MPPED2: variants seen among roughly 807,000 people sequenced by gnomAD.
MPPED2 encodes metallophosphoesterase MPPED2.
A neutral mutation model predicts 33.0 loss-of-function variants in MPPED2; 5 were observed. That is an observed-to-expected ratio of 0.15 (90% CI 0.08 to 0.32). The LOEUF is 0.32. Among genes scored for constraint, MPPED2 ranks in the 10% least tolerant of loss-of-function variants. The probability of loss-of-function intolerance (pLI) is 1.00; values close to 1 mark genes in which losing one functional copy is unlikely to be tolerated. For missense variants in MPPED2, 275 were observed against 372.1 expected (o/e 0.74, Z 2.15); for synonymous variants, 136 against 141.9 (o/e 0.96, Z 0.29).
In MPPED2 at chr11:30,389,004, A is replaced by T. The variant is rs1354044639; in HGVS notation, c.767-48T>A. ...GAGAGGGAGAGAGAGAGAGAGATGA[A>T]CATGACCTAAATTATTCAGTTTTCT... On this transcript the variant is annotated intron_variant, in intron 6 of 6. Coordinates refer to the MPPED2 transcript ENST00000448418. The T allele has an allele frequency of 2.0e-6, 3 of 1,516,300 alleles. No homozygotes were observed. In the Admixed American group the frequency reaches 6.6e-5, roughly 33 times the overall value. The allele number at this position is 1,516,300 out of a possible 1,614,324, so 93.9% of individuals were successfully genotyped here.
chr11:30,450,512 A>G (rs1950010936), intron 4 of MPPED2, among the ~76,000 whole-genome samples: 1 of 152,150 alleles, frequency 6.6e-6, no homozygotes, highest in Admixed American at 6.5e-5. Context: ...AGTGAAGTAA[A>G]CCACTGATAA....
intron 6 of MPPED2, among the ~76,000 whole-genome samples, chr11:30,402,871 T>A (rs529960549): frequency 6.6e-6 from 1 of 152,214 alleles, no homozygotes; most frequent in Non-Finnish European, 1.5e-5. Flanking sequence ...ATTCCATTCA[T>A]AAGATGTGAA....
intron 4 of MPPED2, among the ~76,000 whole-genome samples, chr11:30,426,758 T>A (rs190379289): frequency 1.3e-5 from 2 of 152,316 alleles, no homozygotes; most frequent in African/African-American, 4.8e-5. Flanking sequence ...TTGGGGAACA[T>A]CAGAATGATG....
At chr11:30,398,360 A>G (rs1947864103) in intron 6 of MPPED2, among the ~76,000 whole-genome samples, 1 of 152,126 alleles carries the variant, frequency 6.6e-6, no homozygotes, top group African/African-American at 2.4e-5. Flanking sequence ...ACTCATTCCC[A>G]TAAAGGGGTA....
intron 3 of MPPED2, among the ~76,000 whole-genome samples, chr11:30,522,387 TAC>T (rs60549510): frequency 0.15 from 22,433 of 146,128 alleles, 1,734 homozygotes; most frequent in East Asian, 0.23. Flanking sequence ...CAGGAAAACA[TAC>T]ACACACACAC....
At chr11:30,491,812 G>A (rs1951995396) in intron 4 of MPPED2, among the ~76,000 whole-genome samples, 1 of 152,220 alleles carries the variant, frequency 6.6e-6, no homozygotes, top group Non-Finnish European at 1.5e-5. Flanking sequence ...TTCACAGTGA[G>A]ATCCAAACTA....
intron 2 of MPPED2, among the ~76,000 whole-genome samples, chr11:30,548,078 GCTTTC>G (rs1463534898): frequency 1.3e-5 from 2 of 152,102 alleles, no homozygotes; most frequent in Admixed American, 1.3e-4. Flanking sequence ...TTGGACCATG[GCTTTC>G]CCACTACCTG....
intron 4 of MPPED2, among the ~76,000 whole-genome samples, chr11:30,493,089 G>A (rs900369580): frequency 1.3e-5 from 2 of 152,144 alleles, no homozygotes; most frequent in Non-Finnish European, 2.9e-5. Flanking sequence ...CAGTCCTTCT[G>A]GATACCAACT....
At chr11:30,392,209 GTTTC>G (rs1217033298) in intron 6 of MPPED2, among the ~76,000 whole-genome samples, 2 of 152,130 alleles carry the variant, frequency 1.3e-5, no homozygotes, top group Admixed American at 6.5e-5. Context: ...CCCTCTAATG[GTTTC>G]TTTGTTTGAT....
intron 3 of MPPED2, among the ~76,000 whole-genome samples, chr11:30,512,969 A>G (rs1284413804): frequency 6.6e-6 from 1 of 151,988 alleles, no homozygotes; most frequent in African/African-American, 2.4e-5. Flanking sequence ...ACTGCACTCT[A>G]CTGTGCTCTA....
Position 30,455,334 on chromosome 11 carries a change from C to G in MPPED2, c.537-37701G>C, listed in dbSNP as rs190803297. Among the ~76,000 whole-genome samples, 238 of 152,256 alleles carry G rather than the reference C, an allele frequency of 1.6e-3. 3 individuals are homozygous for G. The highest frequency in any genetic ancestry group is 5.3e-3 in the African/African-American group (221 of 41,554). ...CCACCAACCAACATCGCCAAGGGGG[C>G]CCACAAGCTCTGCCAGTGACCCTGT... On this transcript the variant is annotated intron_variant, in intron 4 of 6. Coordinates refer to ENST00000358117, the MANE Select transcript of MPPED2 (RefSeq NM_001584.3).
At chr11:30,408,587 G>T (rs1948026965), downstream of MPPED2, among the ~76,000 whole-genome samples, 1 of 152,168 alleles carries the variant, frequency 6.6e-6, no homozygotes, top group African/African-American at 2.4e-5. Context: ...TGGGATTACA[G>T]GTGTGAGCCA....
intron 4 of MPPED2, among the ~76,000 whole-genome samples, chr11:30,489,639 C>T: frequency 6.6e-6 from 1 of 152,204 alleles, no homozygotes; most frequent in East Asian, 1.9e-4. Context: ...TCCACAGTTA[C>T]TAAATCTGAC....
chr11:30,456,431 T>C (rs1950280916), intron 4 of MPPED2, among the ~76,000 whole-genome samples: 2 of 152,140 alleles, frequency 1.3e-5, no homozygotes, highest in Admixed American at 1.3e-4. Context: ...ATATATGGGG[T>C]AACAGATGTT....
At chr11:30,524,276 TA>T (rs1258141564) in intron 3 of MPPED2, among the ~76,000 whole-genome samples, 1 of 151,062 alleles carries the variant, frequency 6.6e-6, no homozygotes, top group African/African-American at 2.4e-5. Context: ...AAATAAAAAA[TA>T]AAAATAAGAG....
rs1948110357 is a variant in MPPED2 at position 30,411,653 on chromosome 11, C to T, written c.767-67G>A. 6 of 1,421,980 alleles carry T rather than the reference C, an allele frequency of 4.2e-6. No homozygotes were observed. The Admixed American group carries it at 1.0e-4, about 24-fold the overall frequency. The allele number at this position is 1,421,980 out of a possible 1,614,324, so 88.1% of individuals were successfully genotyped here. ...TGAGAGTGATGGAATGTAGGGCTGTCAGGCAAGGAAAACAAAAAATTTTTG... is the reference window on the plus strand; with the variant it reads ...TGAGAGTGATGGAATGTAGGGCTGTTAGGCAAGGAAAACAAAAAATTTTTG... On this transcript the variant is annotated intron_variant, in intron 6 of 6. Coordinates refer to ENST00000358117, the MANE Select transcript of MPPED2 (RefSeq NM_001584.3).
chr11:30,493,057 T>C (rs1003659110), intron 4 of MPPED2, among the ~76,000 whole-genome samples: 1 of 152,200 alleles, frequency 6.6e-6, no homozygotes, highest in Admixed American at 6.5e-5. Flanking sequence ...TAAACAGATA[T>C]GTACTTCCTG....
At chr11:30,499,478 A>T (rs934495324) in intron 3 of MPPED2, among the ~76,000 whole-genome samples, 1 of 152,176 alleles carries the variant, frequency 6.6e-6, no homozygotes, top group Admixed American at 6.5e-5. Flanking sequence ...GGATTCTCAT[A>T]GTAGGGATGT....
intron 3 of MPPED2, among the ~76,000 whole-genome samples, chr11:30,509,918 CCAT>C (rs1953059283): frequency 6.6e-6 from 1 of 152,176 alleles, no homozygotes; most frequent in African/African-American, 2.4e-5. Flanking sequence ...TCCTTCTCCA[CCAT>C]ATCACATAAT....
Sources: allele counts gnomAD v4.1 joint callset (sites outside exome capture counted in the v4.1 genomes callset), GRCh38; gene constraint gnomAD v4.1.1; transcripts MANE v1.5; gene names NCBI Gene and HGNC (gene_info 2026-07-23, HGNC 2026-07-21).